WWOX: variants seen among roughly 807,000 people sequenced by gnomAD.
WWOX encodes WW domain containing oxidoreductase, also known as WW domain-containing oxidoreductase.
A neutral mutation model predicts 46.2 loss-of-function variants in WWOX; 69 were observed. The observed-to-expected ratio is 1.49, with a 90% CI of 1.23 to 1.82. The LOEUF is 1.82. Ranked by LOEUF, WWOX falls within the 40% of genes most tolerant of loss-of-function variation. The probability of loss-of-function intolerance (pLI) is 0.00; values close to 1 mark genes in which losing one functional copy is unlikely to be tolerated. For missense variants in WWOX, 919 were observed against 542.6 expected, an observed-to-expected ratio of 1.69 and a Z score of -6.89; for synonymous variants, 359 against 202.6, an observed-to-expected ratio of 1.77 and a Z score of -6.56.
chr16:79,155,943 C>T (rs16949729), intron 8 of WWOX, among the ~76,000 whole-genome samples: 8,870 of 151,450 alleles, frequency 0.059, 336 homozygotes, highest in African/African-American at 0.11. Flanking sequence ...TTCTAAACAT[C>T]GAATGAAGAT....
chr16:78,596,802 G>A (rs770648414), intron 8 of WWOX, among the ~76,000 whole-genome samples: 1 of 85,076 alleles, frequency 1.2e-5, no homozygotes, highest in African/African-American at 4.2e-5. Flanking sequence ...AAATCAGCAC[G>A]GTTTCAGCTG....
intron 8 of WWOX, among the ~76,000 whole-genome samples, chr16:79,178,507 A>G (rs1035589348): frequency 6.6e-6 from 1 of 152,000 alleles, no homozygotes; most frequent in African/African-American, 2.4e-5. Flanking sequence ...TGTAGAGACA[A>G]GGTCTCACTG....
chr16:78,790,463 G>A (rs2050566499), intron 8 of WWOX, among the ~76,000 whole-genome samples: 1 of 152,142 alleles, frequency 6.6e-6, no homozygotes, highest in Non-Finnish European at 1.5e-5. Context: ...TCTACACACA[G>A]TGAACTTAAA....
chr16:79,183,912 G>C (rs1165035874), intron 8 of WWOX, among the ~76,000 whole-genome samples: 2 of 152,238 alleles, frequency 1.3e-5, no homozygotes, highest in East Asian at 3.9e-4. Flanking sequence ...TTAGAGCTTC[G>C]AGACCTGCCA....
chr16:78,808,595 C>T (rs998200033), intron 8 of WWOX, among the ~76,000 whole-genome samples: 2 of 152,140 alleles, frequency 1.3e-5, no homozygotes, highest in East Asian at 1.9e-4. Flanking sequence ...AAGTAGAGGC[C>T]TCTTCCTCAC....
chr16:78,494,249 C>T (rs765926312), intron 8 of WWOX, among the ~76,000 whole-genome samples: 2 of 152,118 alleles, frequency 1.3e-5, no homozygotes, highest in South Asian at 2.1e-4. Context: ...CTCATGATCC[C>T]GTCTAGTTCC....
At chr16:78,596,281 GT>G (rs2045487799) in intron 8 of WWOX, among the ~76,000 whole-genome samples, 1 of 152,176 alleles carries the variant, frequency 6.6e-6, no homozygotes, top group African/African-American at 2.4e-5. Context: ...CAATAGAAAC[GT>G]TTTGAGATCC....
chr16:78,787,160 A>G (rs1033790658), intron 8 of WWOX, among the ~76,000 whole-genome samples: 2 of 152,206 alleles, frequency 1.3e-5, no homozygotes, highest in East Asian at 3.8e-4. Flanking sequence ...AAACAAAAAT[A>G]AAACAAACAA....
intron 8 of WWOX, among the ~76,000 whole-genome samples, chr16:78,900,202 C>G (rs1337795894): frequency 2.0e-5 from 3 of 151,766 alleles, no homozygotes; most frequent in African/African-American, 7.3e-5. Context: ...TTCATGCAGA[C>G]CTGTACATTT....
chr16:78,726,401 T>G, intron 8 of WWOX, among the ~76,000 whole-genome samples: 1 of 151,898 alleles, frequency 6.6e-6, no homozygotes, highest in Admixed American at 6.6e-5. Flanking sequence ...TATTTTTAAA[T>G]TATTTGTGGA....
intron 8 of WWOX, among the ~76,000 whole-genome samples, chr16:78,594,628 A>T (rs970785791): frequency 7.2e-5 from 11 of 152,036 alleles, no homozygotes; most frequent in Non-Finnish European, 1.6e-4. Context: ...GAAAGGGATG[A>T]TAGCCCCAGT....
intron 5 of WWOX, among the ~76,000 whole-genome samples, chr16:78,303,607 C>G (rs1445554474): frequency 1.3e-5 from 2 of 152,198 alleles, no homozygotes; most frequent in Non-Finnish European, 2.9e-5. Flanking sequence ...TGCAATGGCA[C>G]AATCTCGGCT....
intron 8 of WWOX, among the ~76,000 whole-genome samples, chr16:78,705,593 A>G (rs1430911099): frequency 1.3e-5 from 2 of 152,220 alleles, no homozygotes; most frequent in Admixed American, 6.5e-5. Context: ...GGTTTCATGC[A>G]GTAAATACTT....
chr16:78,898,067 T>G (rs1267575797), intron 8 of WWOX: 1 of 152,156 alleles, frequency 6.6e-6, no homozygotes, highest in East Asian at 1.9e-4. Flanking sequence ...ACATTCTTTT[T>G]TTTTCATATG....
chr16:79,135,431 T>C (rs188123502), intron 8 of WWOX, among the ~76,000 whole-genome samples: 4 of 152,336 alleles, frequency 2.6e-5, no homozygotes, highest in Admixed American at 2.6e-4. Flanking sequence ...CATCATTTAC[T>C]TATGTAATAA....
rs187756270 is a variant in WWOX, at chr16:78,493,462, C to T, written c.1056+60710C>T. Among the ~76,000 whole-genome samples the T allele has an allele frequency of 5.4e-4, 82 of 152,252 alleles. 1 individual carries two copies. Among genetic ancestry groups the T allele is most frequent in the Non-Finnish European group, 8.2e-4 (56 of 68,036 alleles). ...TAGGTCCACCTGTGTGAGTAACTAACGTGTTTATTTATGATTTTCTTTAAC... is the reference window on the plus strand; with the variant it reads ...TAGGTCCACCTGTGTGAGTAACTAATGTGTTTATTTATGATTTTCTTTAAC... On this transcript the variant is annotated intron_variant, in intron 8 of 8. Transcript: ENST00000566780.
intron 4 of WWOX, among the ~76,000 whole-genome samples, chr16:78,156,852 C>T (rs1426115166): frequency 3.3e-5 from 5 of 152,082 alleles, no homozygotes; most frequent in Admixed American, 6.5e-5. Flanking sequence ...TGAATCCCTG[C>T]GGTGGAGGTT....
At chr16:78,807,619 T>C (rs1597646471) in intron 8 of WWOX, among the ~76,000 whole-genome samples, 2 of 152,160 alleles carry the variant, frequency 1.3e-5, no homozygotes, top group East Asian at 3.9e-4. Flanking sequence ...TCTAGGAGCA[T>C]TTTATGGCTT....
intron 8 of WWOX, among the ~76,000 whole-genome samples, chr16:78,694,766 C>A (rs901423924): frequency 6.6e-6 from 1 of 152,124 alleles, no homozygotes; most frequent in Non-Finnish European, 1.5e-5. Context: ...TCAACTATTA[C>A]AGCTTTTTGA....
Sources: gnomAD v4.1 joint callset for allele counts (sites outside exome capture counted in the v4.1 genomes callset) on GRCh38, gnomAD v4.1.1 for gene constraint, MANE v1.5 for transcripts, NCBI Gene and HGNC (gene_info 2026-07-23, HGNC 2026-07-21) for gene names.